Variants in ASMTL observed in about 807,000 individuals in gnomAD.
ASMTL encodes probable bifunctional dTTP/UTP pyrophosphatase/methyltransferase protein.
In ASMTL, 57 loss-of-function variants were observed where a neutral mutation model predicts 60.3. The ratio of observed to expected loss-of-function variants is 0.95; its 90% confidence interval spans 0.76 to 1.18. The LOEUF is 1.18. Among genes scored for constraint, ASMTL ranks in the 50% most tolerant of loss-of-function variants. The probability of loss-of-function intolerance (pLI) is 0.00; values close to 1 mark genes in which losing one functional copy is unlikely to be tolerated. For missense variants in ASMTL, 981 were observed against 852.6 expected, an observed-to-expected ratio of 1.15 and a Z score of -1.88; for synonymous variants, 419 against 373.0, an observed-to-expected ratio of 1.12 and a Z score of -1.42.
intron 8 of ASMTL, among the ~76,000 whole-genome samples, chrX:1,422,685 G>A (rs2090514313): frequency 6.6e-6 from 1 of 152,098 alleles, no homozygotes. Context: ...GTAAGAAACA[G>A]CCCTGTGTTC....
Position 1,418,960 on chromosome X carries a change from C to A in ASMTL, c.1378+22G>T, listed in dbSNP as rs369393923. ...GCTTAATAAACGAAAGTAAGGAGAGCCCTGGCGGGGGGGCCACCCACCTCC... is the reference window on the plus strand; with the variant it reads ...GCTTAATAAACGAAAGTAAGGAGAGACCTGGCGGGGGGGCCACCCACCTCC... On this transcript the variant is annotated intron_variant, in intron 10 of 12. Coordinates refer to ENST00000381317, the MANE Select transcript of ASMTL (RefSeq NM_004192.4). 4.2e-5 allele frequency: 67 copies of A among 1,610,944 alleles called. No homozygotes were observed. The African/African-American group carries it at 8.5e-4, about 20-fold the overall frequency.
chrX:1,418,069 T>C lies in ASMTL; in HGVS notation c.1426A>G (p.Met476Val), dbSNP rs1254159530. Residue 476 changes from methionine to valine, a missense_variant, in exon 11 of 13, where the codon ATG becomes GTG. Transcript: ENST00000381317. ...ARELAREYPR[M>V]QVTVFDLPDI... ...GGGAGGTCAAACACAGTCACCTGCATACGAGGGTACTCACGGGCCAGCTCT... is the reference window on the plus strand; with the variant it reads ...GGGAGGTCAAACACAGTCACCTGCACACGAGGGTACTCACGGGCCAGCTCT... The C allele has an allele frequency of 1.9e-6, 3 of 1,613,112 alleles. No individual in the cohort carries two copies. Among genetic ancestry groups the C allele is most frequent in the Admixed American group, 1.7e-5 (1 of 59,902 alleles).
In ASMTL at chrX:1,430,959, T is replaced by C. The variant is rs868610109; in HGVS notation, c.509+1310A>G. ...ATATAACTAATATGTATTACATATA[T>C]TTAATTAATATATAATTTACATATA... On this transcript the variant is annotated intron_variant, in intron 6 of 12. Coordinates refer to ENST00000381317, the MANE Select transcript of ASMTL (RefSeq NM_004192.4). Among the ~76,000 whole-genome samples the C allele has an allele frequency of 7.6e-4, 108 of 141,418 alleles. 2 individuals carry two copies. Among genetic ancestry groups the C allele is most frequent in the African/African-American group, 2.6e-3 (102 of 38,706 alleles). 92.8% of individuals were successfully genotyped at this position (141,418 alleles called of 152,430 possible).
At chrX:1,443,610 ATCGTGGACAGACACCG>A (rs2091168946) in intron 1 of ASMTL, among the ~76,000 whole-genome samples, 2 of 146,746 alleles carry the variant, frequency 1.4e-5, no homozygotes, top group African/African-American at 2.6e-5. Context: ...AGACACCGCC[ATCGTGGACAGACACCG>A]CCATCGTGGA....
intron 9 of ASMTL, among the ~76,000 whole-genome samples, chrX:1,420,034 T>A (rs2090433823): frequency 3.6e-5 from 1 of 27,500 alleles, no homozygotes; most frequent in Non-Finnish European, 3.6e-4. Context: ...TCTCCCTCTG[T>A]CTCTGTCTCT....
chrX:1,432,734 C>T (rs1362696783), intron 5 of ASMTL, among the ~76,000 whole-genome samples: 13 of 152,102 alleles, frequency 8.5e-5, no homozygotes, highest in Non-Finnish European at 1.2e-4. Flanking sequence ...GAGGCTGAGG[C>T]AGGAGAATCG....
chrX:1,404,345 A>G lies in ASMTL; in HGVS notation c.1646-856T>C, dbSNP rs186913935. Among the ~76,000 whole-genome samples the G allele has an allele frequency of 5.6e-3, 696 of 124,784 alleles. 6 individuals carry two copies. Among genetic ancestry groups the G allele is most frequent in the African/African-American group, 0.02 (647 of 32,030 alleles). The allele number at this position is 124,784 out of a possible 152,430, so 81.9% of individuals were successfully genotyped here. ...AGATAGATGAATGGATGGATAGATG[A>G]ATGCATGGATGAGATGGATGGGTGA... is the stretch of plus-strand genomic sequence containing the variant. On this transcript the variant is annotated intron_variant, in intron 12 of 12. Coordinates refer to ENST00000381317, the MANE Select transcript of ASMTL (RefSeq NM_004192.4).
At chrX:1,452,582 T>TCC (rs1482303298) in intron 1 of ASMTL, among the ~76,000 whole-genome samples, 166 bp downstream of exon 1, 1 of 144,928 alleles carries the variant, frequency 6.9e-6, no homozygotes, top group African/African-American at 2.6e-5. Flanking sequence ...CGGGTCACTC[T>TCC]CCCCAACCCT....
At chrX:1,419,169 C>G in intron 9 of ASMTL, 55 bp from the exon 10 acceptor site, 4 of 1,592,804 alleles carry the variant, frequency 2.5e-6, no homozygotes, top group Non-Finnish European at 3.4e-6. Flanking sequence ...AGGGCTCGCC[C>G]AGCCTCTCCC....
At chrX:1,416,353 AGGC>A (rs1355837922) in intron 11 of ASMTL, among the ~76,000 whole-genome samples, 1 of 94,402 alleles carries the variant, frequency 1.1e-5, no homozygotes, top group Admixed American at 1.1e-4. Context: ...ATACAGTGAC[AGGC>A]ACACACAGAC....
intron 8 of ASMTL, 44 bp from the exon 9 acceptor site, chrX:1,421,886 C>T (rs770896450): frequency 3.2e-6 from 5 of 1,580,486 alleles, no homozygotes; most frequent in African/African-American, 2.7e-5. Flanking sequence ...ACGAGAAAAC[C>T]CAAGGAAACC....
At chrX:1,436,909 C>T (rs2041085934) in intron 3 of ASMTL, among the ~76,000 whole-genome samples, 1 of 152,218 alleles carries the variant, frequency 6.6e-6, no homozygotes, top group African/African-American at 2.4e-5. Flanking sequence ...GCTTAAACTA[C>T]AGACATTGAT....
chrX:1,417,245 T>TAC (rs376535845), intron 11 of ASMTL, among the ~76,000 whole-genome samples: 7 of 147,784 alleles, frequency 4.7e-5, no homozygotes, highest in South Asian at 2.2e-4. Context: ...AGCAGTCACA[T>TAC]ACACACACAC....
At position 1,427,942 on chromosome X, in the gene ASMTL, G is replaced by A. The variant is rs201432062; in HGVS notation, c.689C>T (p.Pro230Leu). The change falls in exon 7 of 13, where the codon CCG becomes CTG. Residue 230 changes from proline to leucine, a missense_variant. Coordinates refer to ENST00000381317, the MANE Select transcript of ASMTL (RefSeq NM_004192.4). Reference protein sequence around the residue: ...LRRSVKHDSIPAADTFEDLSD... With the variant: ...LRRSVKHDSILAADTFEDLSD... ...GAGGTCTTCGAAGGTGTCCGCGGCCGGGATGGAGTCGTGCTTGACACTCCG... is the reference window on the plus strand; with the variant it reads ...GAGGTCTTCGAAGGTGTCCGCGGCCAGGATGGAGTCGTGCTTGACACTCCG... 80 of 1,613,340 alleles carry A rather than the reference G, an allele frequency of 5.0e-5. No homozygotes were observed. The highest frequency in any genetic ancestry group is 5.0e-5 in the Admixed American group (3 of 60,002).
At position 1,411,806 on chromosome X, in the gene ASMTL, C is replaced by CTTTT. The variant is rs756437483; in HGVS notation, c.1645+922_1645+925dup. Reference sequence around the variant, plus strand: ...AAATATATTTTCTCTTTAGGATTTTCTTTTTTTTTTTTTTTTTTTTTTTTG... The same window carrying CTTTT: ...AAATATATTTTCTCTTTAGGATTTTCTTTTTTTTTTTTTTTTTTTTTTTTTTTTG... On this transcript the variant is annotated intron_variant, in intron 12 of 12. Transcript: ENST00000381317. Among the ~76,000 whole-genome samples the CTTTT allele has an allele frequency of 2.9e-3, 248 of 86,164 alleles. 4 individuals are homozygous for CTTTT. Among genetic ancestry groups the CTTTT allele is most frequent in the Non-Finnish European group, 3.4e-3 (161 of 47,746 alleles). The allele number at this position is 86,164 out of a possible 152,430, so 56.5% of individuals were successfully genotyped here. A position where few individuals can be genotyped will look rare whatever the true frequency, so the allele number is the denominator to read the frequency against.
chrX:1,448,637 C>T (rs1380658910), intron 1 of ASMTL, among the ~76,000 whole-genome samples: 27 of 151,062 alleles, frequency 1.8e-4, no homozygotes, highest in African/African-American at 3.9e-4. Context: ...GGACACACAC[C>T]GCCATCTTGG....
At chrX:1,440,313 A>C (rs2091080033) in intron 2 of ASMTL, among the ~76,000 whole-genome samples, 1 of 151,720 alleles carries the variant, frequency 6.6e-6, no homozygotes, top group Non-Finnish European at 1.5e-5. Context: ...GATGGTCTTG[A>C]ACTCCTGACC....
Position 1,431,485 on chromosome X carries a change from T to C in ASMTL, c.509+784A>G, listed in dbSNP as rs764919883. Among the ~76,000 whole-genome samples, 822 of 127,522 alleles carry C rather than the reference T, an allele frequency of 6.4e-3. 9 individuals carry two copies. The highest frequency in any genetic ancestry group is 0.02 in the African/African-American group (774 of 37,892). The allele number at this position is 127,522 out of a possible 152,430, so 83.7% of individuals were successfully genotyped here. A position where few individuals can be genotyped will look rare whatever the true frequency, so the allele number is the denominator to read the frequency against. ...TAGATGGTATATATTACATTAATAT[T>C]AATCACTACTTATTAAAATTAATCA... is the stretch of plus-strand genomic sequence containing the variant. On this transcript the variant is annotated intron_variant, in intron 6 of 12. Coordinates refer to ENST00000381317, the MANE Select transcript of ASMTL (RefSeq NM_004192.4).
chrX:1,442,526 C>CGGACTGACCAGGGGCCTTCAG (rs2091131920), intron 1 of ASMTL, among the ~76,000 whole-genome samples: 2 of 152,042 alleles, frequency 1.3e-5, no homozygotes, highest in Admixed American at 6.6e-5. Flanking sequence ...TAGTGGGCCG[C>CGGACTGACCAGGGGCCTTCAG]GGACTGACCA....
Sources: allele counts gnomAD v4.1 joint callset (sites outside exome capture counted in the v4.1 genomes callset), GRCh38; gene constraint gnomAD v4.1.1; transcripts MANE v1.5; gene names NCBI Gene and HGNC (gene_info 2026-07-23, HGNC 2026-07-21).